The following LMTK2 variants were observed in gnomAD, a reference collection of about 807,000 sequenced individuals.
LMTK2 encodes serine/threonine-protein kinase LMTK2.
A neutral mutation model predicts 127.5 loss-of-function variants in LMTK2; 37 were observed. The observed-to-expected ratio is 0.29, with a 90% CI of 0.22 to 0.38. The LOEUF is 0.38. Ranked by LOEUF, LMTK2 falls within the 10% of genes least tolerant of loss-of-function variation. LMTK2 has a pLI of 1.00. For missense variants in LMTK2, 1,694 were observed against 1,920.3 expected (o/e 0.88, Z 2.20); for synonymous variants, 819 against 810.1 (o/e 1.01, Z -0.19).
At chr7:98,178,830 C>T (rs1409947534) in intron 7 of LMTK2, among the ~76,000 whole-genome samples, 1 of 152,352 alleles carries the variant, frequency 6.6e-6, no homozygotes. Flanking sequence ...TTGCAACAGC[C>T]TTGTGAGTTA....
intron 3 of LMTK2, among the ~76,000 whole-genome samples, chr7:98,149,667 TG>T (rs58359973): frequency 0.053 from 8,084 of 152,264 alleles, 633 homozygotes; most frequent in East Asian, 0.36. Flanking sequence ...TTATAAAACT[TG>T]TAGAATAAAC....
chr7:98,135,621 T>C (rs963614577), intron 1 of LMTK2, among the ~76,000 whole-genome samples: 4 of 152,140 alleles, frequency 2.6e-5, no homozygotes, highest in Admixed American at 1.3e-4. Context: ...GTGCCTGCCA[T>C]AGATGAGGAT....
chr7:98,163,676 T>TA (rs1412219966), intron 6 of LMTK2, among the ~76,000 whole-genome samples: 2 of 152,176 alleles, frequency 1.3e-5, no homozygotes, highest in African/African-American at 2.4e-5. Flanking sequence ...AGAGGGCATC[T>TA]ACTTGAAGGG....
intron 1 of LMTK2, among the ~76,000 whole-genome samples, chr7:98,113,363 C>T (rs1465884382): frequency 6.6e-6 from 1 of 152,182 alleles, no homozygotes; most frequent in East Asian, 1.9e-4. Flanking sequence ...CCATGTGGAA[C>T]TGTGAGTCAA....
chr7:98,111,023 T>C (rs143068907), intron 1 of LMTK2, among the ~76,000 whole-genome samples: 80 of 152,386 alleles, frequency 5.2e-4, no homozygotes, highest in African/African-American at 1.7e-3. Flanking sequence ...CAAATTATTT[T>C]AGGATTTATA....
At chr7:98,122,241 G>C (rs1234100248) in intron 1 of LMTK2, among the ~76,000 whole-genome samples, 2 of 151,762 alleles carry the variant, frequency 1.3e-5, no homozygotes, top group African/African-American at 2.4e-5. Flanking sequence ...GTTTCGGGGG[G>C]TGCATGTGCA....
intron 3 of LMTK2, among the ~76,000 whole-genome samples, chr7:98,148,459 C>T (rs1221306731): frequency 6.7e-6 from 1 of 149,630 alleles, no homozygotes; most frequent in Non-Finnish European, 1.5e-5. Context: ...CTCCACTGCA[C>T]TCCAGCCTGG....
At position 98,186,974 on chromosome 7, in the gene LMTK2, A is replaced by G. The variant is rs1797445962; in HGVS notation, c.974A>G (p.Asp325Gly). 4 of 1,613,810 alleles carry G rather than the reference A, an allele frequency of 2.5e-6. No homozygotes were observed. The highest frequency in any genetic ancestry group is 3.4e-6 in the Non-Finnish European group (4 of 1,179,818). Residue 325 changes from aspartate (D) to glycine (G), a missense_variant, in exon 9 of 14, where the codon GAT (aspartate) becomes GGT (glycine). By Grantham distance (94) the Asp-to-Gly change is moderately conservative (BLOSUM62 -1). Coordinates refer to ENST00000297293, the MANE Select transcript of LMTK2 (RefSeq NM_014916.4). Reference protein sequence around the residue: ...TSFQDRLLTADQTKYSNIWSL... With the variant: ...TSFQDRLLTAGQTKYSNIWSL... ...TTTCAAGACAGACTGCTAACTGCAG[A>G]TCAGACTAAGTATAGTAATATCTGG...
intron 11 of LMTK2, among the ~76,000 whole-genome samples, chr7:98,201,203 T>C (rs1385448563): frequency 6.6e-6 from 1 of 152,178 alleles, no homozygotes; most frequent in African/African-American, 2.4e-5. Context: ...AATGTATCCC[T>C]TCCTTCCACC....
At chr7:98,190,494 A>G (rs1797505704) in intron 9 of LMTK2, among the ~76,000 whole-genome samples, 1 of 152,196 alleles carries the variant, frequency 6.6e-6, no homozygotes, top group African/African-American at 2.4e-5. Context: ...AGGCAGGAGA[A>G]TCACTTGAAC....
intron 2 of LMTK2, among the ~76,000 whole-genome samples, 156 bp downstream of exon 2, chr7:98,137,598 A>G (rs1796613300): frequency 1.3e-5 from 2 of 152,196 alleles, no homozygotes; most frequent in Admixed American, 6.5e-5. Context: ...TGAATAGTAA[A>G]TATTGTGGGC....
chr7:98,177,198 T>G (rs967271213), intron 7 of LMTK2, among the ~76,000 whole-genome samples: 1 of 152,246 alleles, frequency 6.6e-6, no homozygotes. Context: ...TTGTGGCTTT[T>G]TATAAGACAG....
chr7:98,139,365 T>G (rs1448659321), intron 2 of LMTK2, among the ~76,000 whole-genome samples: 1 of 152,220 alleles, frequency 6.6e-6, no homozygotes. Flanking sequence ...TCCTCCCGCC[T>G]CTGCCTCCCA....
Position 98,114,853 on chromosome 7 carries a change from A to T in LMTK2, c.103+7573A>T, listed in dbSNP as rs1796254398. On this transcript the variant is annotated intron_variant, in intron 1 of 13. Coordinates refer to ENST00000297293, the MANE Select transcript of LMTK2 (RefSeq NM_014916.4). ...CTTCTGTAAGTGCTGCCATCTTTTTATTTTTTTTAAAACCTCTTTGCGGAC... is the reference window on the plus strand; with the variant it reads ...CTTCTGTAAGTGCTGCCATCTTTTTTTTTTTTTTAAAACCTCTTTGCGGAC... Among the ~76,000 whole-genome samples, 2 of 151,496 alleles carry T rather than the reference A, an allele frequency of 1.3e-5. 1 individual carries two copies. The highest frequency in any genetic ancestry group is 4.2e-4 in the South Asian group (2 of 4,796).
chr7:98,154,794 G>A lies in LMTK2; in HGVS notation c.487G>A (p.Ala163Thr). Reference sequence around the variant, plus strand: ...AGAGATTTACACGGGCACTAGCGTAGCAAGAGTCATCGTGAAGGAGTTAAA... The same window carrying A: ...AGAGATTTACACGGGCACTAGCGTAACAAGAGTCATCGTGAAGGAGTTAAA... ...LGEIYTGTSV[A>T]RVIVKELKAS... is the part of the protein sequence containing the mutation. The change falls in exon 5 of 14, where the codon GCA (alanine) becomes ACA (threonine). Residue 163 changes from alanine to threonine, a missense_variant. By Grantham distance (58) the Ala-to-Thr change is moderately conservative. Around this residue, in one of 8 missense-constraint regions of LMTK2, gnomAD observed 203 missense variants for 226.2 expected, o/e 0.90. Transcript: ENST00000297293. 6.2e-7 allele frequency: 1 copy of A among 1,613,788 alleles called. No individual in the cohort carries two copies. Among genetic ancestry groups the A allele is most frequent in the Non-Finnish European group, 8.5e-7 (1 of 1,179,666 alleles).
rs144629064 is a variant in LMTK2, at chr7:98,131,477, C to T, written c.104-5838C>T. 3.6e-3 allele frequency among the ~76,000 whole-genome samples: 540 copies of T among 151,974 alleles called. 4 individuals carry two copies. The highest frequency in any genetic ancestry group is 0.012 in the African/African-American group (510 of 41,472). ...TCTTGTGGTGGTATTTCACATGTCTCGCTATTCATAATGTTTCCTATACAT... is the reference window on the plus strand; with the variant it reads ...TCTTGTGGTGGTATTTCACATGTCTTGCTATTCATAATGTTTCCTATACAT... On this transcript the variant is annotated intron_variant, in intron 1 of 13. Coordinates refer to ENST00000297293, the MANE Select transcript of LMTK2 (RefSeq NM_014916.4).
At chr7:98,117,915 C>T (rs1054994263) in intron 1 of LMTK2, among the ~76,000 whole-genome samples, 5 of 151,972 alleles carry the variant, frequency 3.3e-5, no homozygotes, top group Non-Finnish European at 5.9e-5. Context: ...TGCAATGAGC[C>T]GAGATCGGAC....
In LMTK2 at chr7:98,208,666, C is replaced by T. The variant is rs965670802; in HGVS notation, c.*3174C>T. 2 of 152,204 alleles carry T rather than the reference C, an allele frequency of 1.3e-5. No homozygotes were observed. Among genetic ancestry groups the T allele is most frequent in the Non-Finnish European group, 2.9e-5 (2 of 68,040 alleles). 9.4% of individuals were successfully genotyped at this position (152,204 alleles called of 1,614,324 possible). A position where few individuals can be genotyped will look rare whatever the true frequency, so the allele number is the denominator to read the frequency against. On this transcript the variant is annotated 3_prime_UTR_variant, in exon 14 of 14. Coordinates refer to ENST00000297293, the MANE Select transcript of LMTK2 (RefSeq NM_014916.4). ...GATGCGAATTTGTCTTTTTGAATGA[C>T]CCTGTCAATAAGCCAGAAAGGGCAA...
chr7:98,134,860 T>A (rs1796577140), intron 1 of LMTK2, among the ~76,000 whole-genome samples: 1 of 152,204 alleles, frequency 6.6e-6, no homozygotes, highest in South Asian at 2.1e-4. Context: ...GAGTTCTTGT[T>A]CTCATTGAAA....
Sources: allele counts gnomAD v4.1 joint callset (sites outside exome capture counted in the v4.1 genomes callset), GRCh38; gene constraint gnomAD v4.1.1; regional missense constraint gnomAD v4.1.1; transcripts MANE v1.5; gene names NCBI Gene and HGNC (gene_info 2026-07-23, HGNC 2026-07-21).